TMEM272: variants seen among roughly 807,000 people sequenced by gnomAD.
The protein encoded by TMEM272 is long intergenic non-protein coding RNA 282.
Under a neutral mutation model 3.7 loss-of-function variants are expected in TMEM272, and 8 were observed. That is an observed-to-expected ratio of 2.17 (90% CI 1.27 to 3.91). TMEM272 has a LOEUF of 3.91. TMEM272 is among the 30% of genes most tolerant of loss of function. TMEM272 has a pLI of 0.00. For missense variants in TMEM272, 166 were observed against 91.5 expected, an observed-to-expected ratio of 1.81 and a Z score of -3.32; for synonymous variants, 63 against 39.8, an observed-to-expected ratio of 1.58 and a Z score of -2.20.
the TMEM272 span, among the ~76,000 whole-genome samples, chr13:51,928,684 A>T: frequency 9.9e-5 from 15 of 152,162 alleles, no homozygotes; most frequent in Admixed American, 9.8e-4. Context: ...GGTCTGGAGC[A>T]GTTTGTAGAG....
chr13:51,875,547 GA>G, the TMEM272 span, among the ~76,000 whole-genome samples: 1 of 152,144 alleles, frequency 6.6e-6, no homozygotes, highest in Non-Finnish European at 1.5e-5. Context: ...TGACCAAGAA[GA>G]TATTCTGATG....
intron 1 of TMEM272, among the ~76,000 whole-genome samples, chr13:51,842,672 C>T (rs979926801): frequency 2.6e-5 from 4 of 152,194 alleles, no homozygotes; most frequent in Non-Finnish European, 4.4e-5. Context: ...TGTGCATGTA[C>T]ACACATTTTA....
chr13:51,827,008 C>T (rs1341303873), intron 2 of TMEM272, among the ~76,000 whole-genome samples: 1 of 152,234 alleles, frequency 6.6e-6, no homozygotes, highest in East Asian at 1.9e-4. Flanking sequence ...GGTGCCTGTA[C>T]TCAGGGCAGA....
chr13:51,841,380 C>T (rs548837236), intron 1 of TMEM272, among the ~76,000 whole-genome samples: 1 of 152,334 alleles, frequency 6.6e-6, no homozygotes, highest in African/African-American at 2.4e-5. Flanking sequence ...TTACAAACTT[C>T]CTTTGAAATG....
the TMEM272 span, among the ~76,000 whole-genome samples, chr13:51,874,991 C>G: frequency 1.3e-5 from 2 of 152,192 alleles, no homozygotes; most frequent in South Asian, 4.1e-4. Flanking sequence ...GGTTGCTTAG[C>G]AACAAAATGA....
chr13:51,889,636 G>C, the TMEM272 span, among the ~76,000 whole-genome samples: 132 of 132,074 alleles, frequency 1.0e-3, no homozygotes, highest in Middle Eastern at 4.2e-3. Context: ...GTGTGTGTGT[G>C]GGGGGGTTTT....
the TMEM272 span, among the ~76,000 whole-genome samples, chr13:51,905,157 C>T: frequency 6.6e-6 from 1 of 152,186 alleles, no homozygotes; most frequent in African/African-American, 2.4e-5. Context: ...CAACAGAGAA[C>T]GGCCCTAAGC....
the TMEM272 span, among the ~76,000 whole-genome samples, chr13:51,863,295 G>C: frequency 3.9e-5 from 6 of 152,220 alleles, no homozygotes; most frequent in Non-Finnish European, 7.3e-5. Flanking sequence ...GTTCAGCTTT[G>C]ATCTTTGGGC....
At chr13:51,822,639 C>T (rs971173730) in intron 3 of TMEM272, among the ~76,000 whole-genome samples, 1 of 152,202 alleles carries the variant, frequency 6.6e-6, no homozygotes, top group Non-Finnish European at 1.5e-5. Context: ...CCTCCCTGTG[C>T]AGCAAGCCCT....
At chr13:51,930,482 T>C in the TMEM272 span, 4 of 152,136 alleles carry the variant, frequency 2.6e-5, no homozygotes, top group African/African-American at 4.8e-5. Context: ...AGTTTGAAAA[T>C]GAAGAAAATA....
the TMEM272 span, among the ~76,000 whole-genome samples, chr13:51,930,220 T>C: frequency 6.6e-6 from 1 of 152,172 alleles, no homozygotes; most frequent in Non-Finnish European, 1.5e-5. Context: ...GCCGTCTCCA[T>C]TTCAAAGGGC....
the TMEM272 span, among the ~76,000 whole-genome samples, chr13:51,870,703 G>A: frequency 3.3e-5 from 5 of 152,212 alleles, no homozygotes; most frequent in African/African-American, 1.2e-4. Flanking sequence ...CTGGCAGTGG[G>A]GAAAGCCAAG....
At position 51,815,500 on chromosome 13, in the gene TMEM272, G is replaced by T. The variant is rs568591466; in HGVS notation, c.*1251C>A. 1 of 152,484 alleles carries T rather than the reference G, an allele frequency of 6.6e-6. No individual in the cohort carries two copies. The highest frequency in any genetic ancestry group is 1.5e-5 in the Non-Finnish European group (1 of 68,036). The allele number at this position is 152,484 out of a possible 1,614,324, so 9.4% of individuals were successfully genotyped here. A position where few individuals can be genotyped will look rare whatever the true frequency, so the allele number is the denominator to read the frequency against. On this transcript the variant is annotated 3_prime_UTR_variant, in exon 5 of 5. Coordinates refer to ENST00000629372, the MANE Select transcript of TMEM272 (RefSeq NM_001351003.2). The stretch of plus-strand genomic sequence containing the variant: ...GTGCCTCCATTCATGGCCACTCAGG[G>T]ATTGGTTTGATGAGAAAGCACGAAA...
the TMEM272 span, among the ~76,000 whole-genome samples, chr13:51,922,966 A>G: frequency 8.0e-4 from 122 of 152,332 alleles, no homozygotes; most frequent in African/African-American, 2.8e-3. Context: ...CCTTAATCAC[A>G]TGTGCAGGGC....
chr13:51,917,553 T>C, the TMEM272 span, among the ~76,000 whole-genome samples: 1 of 152,184 alleles, frequency 6.6e-6, no homozygotes, highest in African/African-American at 2.4e-5. Context: ...TGGGAGATGC[T>C]AGGGAAACCC....
chr13:51,866,378 C>T, the TMEM272 span: 4 of 300,186 alleles, frequency 1.3e-5, no homozygotes, highest in African/African-American at 8.6e-5. Flanking sequence ...GACGCTTTGG[C>T]TCTCTTTAAG....
At chr13:51,920,122 A>T in the TMEM272 span, among the ~76,000 whole-genome samples, 2 of 152,168 alleles carry the variant, frequency 1.3e-5, no homozygotes, top group Non-Finnish European at 1.5e-5. Context: ...ACCAAAGAAC[A>T]TACTCTCAGC....
At chr13:51,924,729 C>T in the TMEM272 span, among the ~76,000 whole-genome samples, 2 of 152,154 alleles carry the variant, frequency 1.3e-5, no homozygotes, top group African/African-American at 4.8e-5. Context: ...TCCCGCTCTC[C>T]CCAGCAGCCA....
intron 3 of TMEM272, among the ~76,000 whole-genome samples, chr13:51,822,864 T>C (rs1053923294): frequency 1.3e-5 from 2 of 152,234 alleles, no homozygotes; most frequent in African/African-American, 4.8e-5. Flanking sequence ...CCTAGACCTA[T>C]TAACCAATGA....
Sources: gnomAD v4.1 joint callset for allele counts (sites outside exome capture counted in the v4.1 genomes callset) on GRCh38, gnomAD v4.1.1 for gene constraint, MANE v1.5 for transcripts, NCBI Gene and HGNC (gene_info 2026-07-23, HGNC 2026-07-21) for gene names.